AFF4: variants seen among roughly 807,000 people sequenced by gnomAD.
The protein encoded by AFF4 is AF4/FMR2 family member 4.
Under a neutral mutation model 124.8 loss-of-function variants are expected in AFF4, and 13 were observed. That is an observed-to-expected ratio of 0.10 (90% confidence interval 0.07 to 0.17). The LOEUF (loss-of-function observed/expected upper bound fraction) is 0.17, where lower values mean the gene tolerates loss of function less well. Ranked by LOEUF, AFF4 falls within the 10% of genes least tolerant of loss-of-function variation. The probability of loss-of-function intolerance (pLI) is 1.00; values close to 1 mark genes in which losing one functional copy is unlikely to be tolerated. For missense variants in AFF4, 1,092 were observed against 1,403.8 expected, an observed-to-expected ratio of 0.78 and a Z score of 3.55; for synonymous variants, 477 against 496.1, an observed-to-expected ratio of 0.96 and a Z score of 0.51.
intron 1 of AFF4, among the ~76,000 whole-genome samples, chr5:132,939,216 CAAAA>C (rs33952107): frequency 2.4e-5 from 3 of 122,976 alleles, no homozygotes; most frequent in Admixed American, 8.4e-5. Flanking sequence ...GACCCTTTCT[CAAAA>C]AAAAAAAAAA....
intron 11 of AFF4, 148 bp downstream of exon 11, chr5:132,896,175 C>T: frequency 1.2e-6 from 1 of 855,424 alleles, no homozygotes; most frequent in Non-Finnish European, 1.8e-6. Flanking sequence ...AGAGACTGTT[C>T]CACATGTAGC....
chr5:132,930,844 T>C (rs575968954), intron 4 of AFF4, among the ~76,000 whole-genome samples: 6 of 149,116 alleles, frequency 4.0e-5, no homozygotes, highest in African/African-American at 1.5e-4. Flanking sequence ...TGGTGGCTCA[T>C]ACCTATAATC....
At position 132,892,149 on chromosome 5, in the gene AFF4, C is replaced by T; in HGVS notation, c.2637+15G>A. On this transcript the variant is annotated intron_variant, in intron 13 of 20. Transcript: ENST00000265343. ...TTGAATGATTTTCAAAAGCCCCAGG[C>T]CCCCAACACTTTACCTTAACCTCCT... 6.2e-7 allele frequency: 1 copy of T among 1,614,128 alleles called. No homozygotes were observed. The highest frequency in any genetic ancestry group is 1.1e-5 in the South Asian group (1 of 91,084).
At chr5:132,951,537 C>CT (rs1270898923) in intron 1 of AFF4, among the ~76,000 whole-genome samples, 5 of 152,058 alleles carry the variant, frequency 3.3e-5, no homozygotes, top group South Asian at 4.1e-4. Flanking sequence ...TTTTCTTTTT[C>CT]TTTTTTTTCA....
At chr5:132,921,798 C>A (rs995682292) in intron 5 of AFF4, among the ~76,000 whole-genome samples, 2 of 151,960 alleles carry the variant, frequency 1.3e-5, no homozygotes, top group Admixed American at 1.3e-4. Flanking sequence ...TCTTTCCCCC[C>A]CAGAGAGAGT....
At chr5:132,922,291 C>T (rs1309654171) in intron 5 of AFF4, among the ~76,000 whole-genome samples, 1 of 152,140 alleles carries the variant, frequency 6.6e-6, no homozygotes, top group Non-Finnish European at 1.5e-5. Context: ...TAGTGGCATG[C>T]ACCTGTAGTC....
chr5:132,894,746 G>C (rs1461873384), intron 11 of AFF4, among the ~76,000 whole-genome samples: 1 of 152,104 alleles, frequency 6.6e-6, no homozygotes, highest in Non-Finnish European at 1.5e-5. Context: ...AGGACTGCTT[G>C]ATTCCAGGAG....
intron 16 of AFF4, 114 bp downstream of exon 16, chr5:132,887,732 C>A (rs1760150492): frequency 3.3e-6 from 5 of 1,500,846 alleles, no homozygotes; most frequent in Middle Eastern, 1.8e-4. Flanking sequence ...TCTCCTTTAT[C>A]CAAGGACATT....
chr5:132,896,680 G>C lies in AFF4; in HGVS notation c.1950C>G (p.Ser650=), dbSNP rs753385561. ...GGCTCTCACTTTCATCTGAATCTGA[G>C]GATGAGGTATCTGTTTCTATGATTT... ...SREIIETDTS[S]SDSDESESLP... Residue 650 remains serine, a synonymous_variant, in exon 11 of 21, where the codon TCC becomes TCG. Transcript: ENST00000265343. 1 of 1,614,062 alleles carries C rather than the reference G, an allele frequency of 6.2e-7. No individual in the cohort carries two copies. The highest frequency in any genetic ancestry group is 8.5e-7 in the Non-Finnish European group (1 of 1,179,982).
At position 132,934,362 on chromosome 5, in the gene AFF4, T is replaced by C. The variant is rs959311342; in HGVS notation, c.703A>G (p.Thr235Ala). The C allele has an allele frequency of 1.2e-6, 2 of 1,614,072 alleles. No homozygotes were observed. The highest frequency in any genetic ancestry group is 1.7e-6 in the Non-Finnish European group (2 of 1,180,014). ...RVPFSSGQHS[T>A]QSFPPSLMSK... is the part of the protein sequence containing the mutation. Reference sequence around the variant, plus strand: ...ATCAATGAGGGTGGGAAAGATTGAGTTGAGTGCTGCCCACTTGAAAAAGGT... The same window carrying C: ...ATCAATGAGGGTGGGAAAGATTGAGCTGAGTGCTGCCCACTTGAAAAAGGT... Residue 235 changes from threonine to alanine, a missense_variant, in exon 3 of 21, where the codon ACT becomes GCT. Around this residue, in one of 11 missense-constraint regions of AFF4, gnomAD observed 188 missense variants for 203.0 expected, o/e 0.93. Transcript: ENST00000265343.
chr5:132,963,077 C>T (rs1480187984), intron 1 of AFF4, among the ~76,000 whole-genome samples, 182 bp downstream of exon 1: 1 of 152,142 alleles, frequency 6.6e-6, no homozygotes, highest in Admixed American at 6.5e-5. Context: ...CTTATCTTTG[C>T]GGGAAGGTGG....
chr5:132,878,672 C>A lies in AFF4; in HGVS notation c.*2387G>T, dbSNP rs1194116663. On this transcript the variant is annotated 3_prime_UTR_variant, in exon 21 of 21. Transcript: ENST00000265343. ...ACTACCTTGTGGGAAAAATCCTCCA[C>A]AATGAAAAGGTTGAAAAATTCATTC... The A allele has an allele frequency of 8.8e-6, 2 of 227,088 alleles. No homozygotes were observed. The highest frequency in any genetic ancestry group is 1.8e-5 in the Non-Finnish European group (2 of 114,132). 14.1% of individuals were successfully genotyped at this position (227,088 alleles called of 1,614,324 possible).
intron 5 of AFF4, among the ~76,000 whole-genome samples, chr5:132,925,000 C>A (rs888649767): frequency 6.6e-6 from 1 of 151,916 alleles, no homozygotes; most frequent in Non-Finnish European, 1.5e-5. Context: ...CATGGTGAAA[C>A]CCTGTCTCTA....
At chr5:132,949,535 GGCACGGT>G (rs1269508941) in intron 1 of AFF4, among the ~76,000 whole-genome samples, 3 of 151,988 alleles carry the variant, frequency 2.0e-5, no homozygotes, top group African/African-American at 7.2e-5. Flanking sequence ...AATTAGGCCA[GGCACGGT>G]GCCTCAAGCC....
chr5:132,886,400 C>G lies in AFF4; in HGVS notation c.3009G>C (p.Leu1003=), dbSNP rs1255328403. The change falls in exon 18 of 21, where the codon CTG becomes CTC. Residue 1003 remains leucine (L), a synonymous_variant. Transcript: ENST00000265343. ...TCAGGTACAGCAAAGACTCGCATCG[C>G]AGGCTAGCCAATGGAAAAGGGCGGC... ...AADKRLTVLC[L]RCESLLYLRL... 6.2e-7 allele frequency: 1 copy of G among 1,613,596 alleles called. No homozygotes were observed. Among genetic ancestry groups the G allele is most frequent in the East Asian group, 2.2e-5 (1 of 44,884 alleles).
chr5:132,906,541 T>C (rs1760675511), intron 5 of AFF4, among the ~76,000 whole-genome samples: 1 of 152,116 alleles, frequency 6.6e-6, no homozygotes, highest in African/African-American at 2.4e-5. Flanking sequence ...ATACTATTTA[T>C]ATAAAATGTT....
intron 1 of AFF4, among the ~76,000 whole-genome samples, chr5:132,959,858 G>T (rs1041031833): frequency 7.1e-6 from 1 of 141,168 alleles, no homozygotes; most frequent in Non-Finnish European, 1.5e-5. Flanking sequence ...TCCGCCTCCT[G>T]GGTTCACGCC....
rs1759886608 is a variant in AFF4 at position 132,878,202 on chromosome 5, A to G, written c.*2857T>C. On this transcript the variant is annotated 3_prime_UTR_variant, in exon 21 of 21. Transcript: ENST00000265343. ...TCCCCTGAAGGGGAATGCTTCCCAC[A>G]GCCCAGCCCAGTCTGGCCCAGGCAA... is the stretch of plus-strand genomic sequence containing the variant. The G allele has an allele frequency of 5.2e-5, 12 of 228,860 alleles. No individual in the cohort carries two copies. In the East Asian group the frequency reaches 7.4e-4, roughly 14 times the overall value. The allele number at this position is 228,860 out of a possible 1,614,324, so 14.2% of individuals were successfully genotyped here. A position where few individuals can be genotyped will look rare whatever the true frequency, so the allele number is the denominator to read the frequency against.
intron 1 of AFF4, among the ~76,000 whole-genome samples, chr5:132,961,180 G>C (rs1477621015): frequency 6.6e-6 from 1 of 152,090 alleles, no homozygotes; most frequent in East Asian, 1.9e-4. Flanking sequence ...AGCAGAGATG[G>C]AGCCACTGCA....
Sources: allele counts gnomAD v4.1 joint callset (sites outside exome capture counted in the v4.1 genomes callset), GRCh38; gene constraint gnomAD v4.1.1; regional missense constraint gnomAD v4.1.1; transcripts MANE v1.5; gene names NCBI Gene and HGNC (gene_info 2026-07-23, HGNC 2026-07-21).